The following LRRC69 variants were observed in gnomAD, a reference collection of about 807,000 sequenced individuals.
LRRC69 encodes the protein leucine-rich repeat-containing protein 69.
In LRRC69, 42 loss-of-function variants were observed where a neutral mutation model predicts 37.8. The ratio of observed to expected loss-of-function variants is 1.11; its 90% CI spans 0.87 to 1.44. The LOEUF (loss-of-function observed/expected upper bound fraction) is 1.44, where lower values mean the gene tolerates loss of function less well. Among genes scored for constraint, LRRC69 ranks in the 40% most tolerant of loss-of-function variants. LRRC69 has a pLI of 0.00. For missense variants in LRRC69, 357 were observed against 401.9 expected (o/e 0.89, Z 0.96); for synonymous variants, 141 against 143.1 (o/e 0.99, Z 0.11).
At chr8:91,106,310 A>G (rs1813310456) in intron 1 of LRRC69, among the ~76,000 whole-genome samples, 1 of 152,040 alleles carries the variant, frequency 6.6e-6, no homozygotes, top group South Asian at 2.1e-4. Context: ...GTAGCCTTTT[A>G]TCATCATATG....
intron 6 of LRRC69, among the ~76,000 whole-genome samples, chr8:91,198,820 TAAAAG>T (rs1373716605): frequency 2.0e-5 from 3 of 152,220 alleles, no homozygotes; most frequent in African/African-American, 7.2e-5. Flanking sequence ...AGAGATGTCC[TAAAAG>T]ATACTATTGG....
At chr8:91,186,290 A>G (rs1809406505) in intron 5 of LRRC69, among the ~76,000 whole-genome samples, 1 of 152,184 alleles carries the variant, frequency 6.6e-6, no homozygotes, top group Non-Finnish European at 1.5e-5. Context: ...TTCAACAATG[A>G]TTGTCTCAGA....
chr8:91,213,948 G>T (rs1256641361), intron 7 of LRRC69, among the ~76,000 whole-genome samples: 1 of 152,100 alleles, frequency 6.6e-6, no homozygotes, highest in East Asian at 1.9e-4. Flanking sequence ...TAAGTAAGGG[G>T]TTTGAACTTG....
At chr8:91,118,753 T>G (rs1813563462) in intron 1 of LRRC69, among the ~76,000 whole-genome samples, 1 of 152,086 alleles carries the variant, frequency 6.6e-6, no homozygotes, top group South Asian at 2.1e-4. Context: ...TTGTCTGTCA[T>G]ATGACTAAAG....
chr8:91,179,572 A>G (rs1809289839), intron 5 of LRRC69, among the ~76,000 whole-genome samples: 1 of 152,186 alleles, frequency 6.6e-6, no homozygotes, highest in Non-Finnish European at 1.5e-5. Context: ...ATTTTAAGCA[A>G]CTACCCACTT....
At chr8:91,192,315 T>A (rs1208406317) in intron 6 of LRRC69, among the ~76,000 whole-genome samples, 1 of 152,096 alleles carries the variant, frequency 6.6e-6, no homozygotes, top group East Asian at 1.9e-4. Context: ...TACGTGTGCA[T>A]GTGTCTTTAC....
intron 5 of LRRC69, chr8:91,157,495 A>AAAGATGTAG: frequency 6.3e-7 from 1 of 1,576,052 alleles, no homozygotes; most frequent in Middle Eastern, 1.7e-4. Context: ...TTGGAGACAG[A>AAAGATGTAG]AAGATGTAGA....
chr8:91,195,366 G>C (rs1166406096), intron 6 of LRRC69, among the ~76,000 whole-genome samples: 23 of 151,356 alleles, frequency 1.5e-4, no homozygotes, highest in Non-Finnish European at 2.5e-4. Flanking sequence ...AGGTCCGCTT[G>C]GTGCAGAGCT....
Position 91,120,041 on chromosome 8 carries a change from G to A in LRRC69, c.184-4452G>A, listed in dbSNP as rs192395638. ...CTATCATTTATCTTGGGGGTGGGGG[G>A]GAACTCCAGCTTCTTCTTCATTTTC... On this transcript the variant is annotated intron_variant, in intron 1 of 7. Coordinates refer to ENST00000448384, the Ensembl canonical transcript of LRRC69. Among the ~76,000 whole-genome samples the A allele has an allele frequency of 8.2e-4, 125 of 151,890 alleles. 2 individuals are homozygous for A. Among genetic ancestry groups the A allele is most frequent in the Admixed American group, 1.9e-3 (29 of 15,260 alleles).
intron 5 of LRRC69, chr8:91,158,860 GA>G (rs1180870245): frequency 7.9e-6 from 5 of 631,562 alleles, no homozygotes; most frequent in Non-Finnish European, 1.4e-5. Context: ...TATAAACATT[GA>G]AAGAAGACTG....
At chr8:91,178,591 T>A (rs1331928758) in intron 5 of LRRC69, among the ~76,000 whole-genome samples, 1 of 152,230 alleles carries the variant, frequency 6.6e-6, no homozygotes, top group East Asian at 1.9e-4. Context: ...GCTCACAAGT[T>A]TTCAGACTCC....
chr8:91,115,740 G>A (rs2130488143), intron 1 of LRRC69, among the ~76,000 whole-genome samples: 1 of 151,864 alleles, frequency 6.6e-6, no homozygotes, highest in African/African-American at 2.4e-5. Context: ...CAGTCAAGTA[G>A]GAGAGGAAAA....
intron 5 of LRRC69, among the ~76,000 whole-genome samples, chr8:91,146,671 T>C (rs77385520): frequency 0.053 from 7,976 of 151,812 alleles, 299 homozygotes; most frequent in Middle Eastern, 0.16. Flanking sequence ...GATGGGTAGA[T>C]GGATAGATTG....
chr8:91,168,252 A>G (rs1809063203), intron 5 of LRRC69, among the ~76,000 whole-genome samples: 1 of 151,824 alleles, frequency 6.6e-6, no homozygotes. Context: ...AGGCTCTGGT[A>G]CTCTAATTAG....
chr8:91,149,605 T>G (rs1285498589), intron 5 of LRRC69, among the ~76,000 whole-genome samples: 1 of 152,010 alleles, frequency 6.6e-6, no homozygotes, highest in Non-Finnish European at 1.5e-5. Flanking sequence ...AAAGTAGTTT[T>G]TTCCAATTCT....
chr8:91,199,542 C>A (rs1809678481), intron 6 of LRRC69, among the ~76,000 whole-genome samples: 1 of 151,958 alleles, frequency 6.6e-6, no homozygotes, highest in Admixed American at 6.6e-5. Flanking sequence ...TAATTTCATG[C>A]ATGGGGAGAA....
intron 5 of LRRC69, among the ~76,000 whole-genome samples, chr8:91,177,209 ATG>A (rs966166939): frequency 9.9e-5 from 15 of 152,274 alleles, no homozygotes; most frequent in African/African-American, 3.4e-4. Context: ...GCACATGTTT[ATG>A]TGTATTTGAA....
intron 5 of LRRC69, among the ~76,000 whole-genome samples, chr8:91,154,914 T>C (rs1348059529): frequency 1.3e-5 from 2 of 150,906 alleles, no homozygotes; most frequent in Non-Finnish European, 3.0e-5. Context: ...TTTTCAAATA[T>C]GAAAAAGGAA....
intron 7 of LRRC69, among the ~76,000 whole-genome samples, chr8:91,218,513 C>T (rs1183792404): frequency 6.6e-6 from 1 of 151,990 alleles, no homozygotes; most frequent in African/African-American, 2.4e-5. Context: ...ACCAAGATAC[C>T]CATTAAGAAG....
Sources: gnomAD v4.1 joint callset for allele counts (sites outside exome capture counted in the v4.1 genomes callset) on GRCh38, gnomAD v4.1.1 for gene constraint, MANE v1.5 for transcripts, NCBI Gene and HGNC (gene_info 2026-07-23, HGNC 2026-07-21) for gene names.